The following SUPT6H variants were observed in gnomAD, a reference collection of about 807,000 sequenced individuals.
SUPT6H encodes the protein SPT6 homolog, histone chaperone and transcription elongation factor.
SUPT6H carries 11 observed loss-of-function variants against 222.3 expected under a neutral mutation model. The ratio of observed to expected loss-of-function variants is 0.05; its 90% CI spans 0.03 to 0.08. The LOEUF is 0.08. Among genes scored for constraint, SUPT6H ranks in the 10% least tolerant of loss-of-function variants. The pLI is 1.00. For missense variants in SUPT6H, 1,422 were observed against 2,216.0 expected, an observed-to-expected ratio of 0.64 and a Z score of 7.19; for synonymous variants, 762 against 801.2, an observed-to-expected ratio of 0.95 and a Z score of 0.83.
intron 29 of SUPT6H, 84 bp downstream of exon 29, chr17:28,695,631 T>G: frequency 6.9e-7 from 1 of 1,446,014 alleles, no homozygotes; most frequent in Non-Finnish European, 9.4e-7. Context: ...GATGCACATG[T>G]GTCAGTCTCC....
rs780189556 is a variant in SUPT6H, at chr17:28,699,842, G to A, written c.4510G>A (p.Val1504Met). The change falls in exon 33 of 37, where the codon GTG (valine) becomes ATG (methionine). Residue 1504 changes from valine to methionine, a missense_variant. Physicochemically the swap from Val to Met is conservative, Grantham distance 21. Coordinates refer to ENST00000314616, the MANE Select transcript of SUPT6H (RefSeq NM_003170.5). ...FRYRGQIFPT[V>M]NGLFRWFKDH... ...GTACCGGGGCCAGATCTTCCCAACC[G>A]TGAATGGACTGTTTAGATGGTTTAA... 4 of 1,614,074 alleles carry A rather than the reference G, an allele frequency of 2.5e-6. No homozygotes were observed. Among genetic ancestry groups the A allele is most frequent in the African/African-American group, 2.7e-5 (2 of 74,932 alleles).
At chr17:28,674,726 C>A in intron 4 of SUPT6H, 113 bp downstream of exon 4, 2 of 1,012,708 alleles carry the variant, frequency 2.0e-6, no homozygotes, top group South Asian at 1.4e-5. Context: ...CATTAGAGCA[C>A]GGTGTTCGGT....
chr17:28,696,145 A>G (rs955646155), intron 29 of SUPT6H, among the ~76,000 whole-genome samples: 2 of 152,154 alleles, frequency 1.3e-5, no homozygotes, highest in Admixed American at 6.5e-5. Flanking sequence ...GTCTCTACCA[A>G]ACGTACAAAA....
At chr17:28,683,972 A>G (rs1224948199) in intron 17 of SUPT6H, among the ~76,000 whole-genome samples, 156 bp downstream of exon 17, 2 of 151,820 alleles carry the variant, frequency 1.3e-5, no homozygotes, top group Non-Finnish European at 1.5e-5. Context: ...AGTACCTGGG[A>G]CTACAGGCGC....
At chr17:28,662,606 TC>T (rs2072077696) in intron 1 of SUPT6H, among the ~76,000 whole-genome samples, 3 of 152,056 alleles carry the variant, frequency 2.0e-5, no homozygotes, top group African/African-American at 7.2e-5. Flanking sequence ...ATCCCGTCCT[TC>T]TCTCCGCAGG....
At chr17:28,699,950 A>T (rs1432469661) in intron 33 of SUPT6H, 57 bp downstream of exon 33, 2 of 1,541,930 alleles carry the variant, frequency 1.3e-6, no homozygotes, top group Non-Finnish European at 1.8e-6. Flanking sequence ...CTAGGACCTG[A>T]CTCAGAGTAG....
chr17:28,674,262 T>G (rs1433955385), intron 2 of SUPT6H, 21 bp from the exon 3 acceptor site: 3 of 1,613,710 alleles, frequency 1.9e-6, no homozygotes, highest in Non-Finnish European at 2.5e-6. Flanking sequence ...TCTCCATGCC[T>G]CAAACATGCA....
intron 9 of SUPT6H, 31 bp from the exon 10 acceptor site, chr17:28,678,511 TCTC>T: frequency 2.5e-6 from 4 of 1,599,190 alleles, no homozygotes; most frequent in Non-Finnish European, 3.4e-6. Context: ...AAATCTGTCT[TCTC>T]TGAGTGACTG....
chr17:28,689,586 G>T, intron 25 of SUPT6H, 25 bp downstream of exon 25: 1 of 1,611,514 alleles, frequency 6.2e-7, no homozygotes. Context: ...GGAAGGCCCG[G>T]CAGGAGAACC....
At position 28,701,509 on chromosome 17, in the gene SUPT6H, C is replaced by A; in HGVS notation, c.5065C>A (p.Arg1689=). 1 of 1,614,154 alleles carries A rather than the reference C, an allele frequency of 6.2e-7. No homozygotes were observed. The highest frequency in any genetic ancestry group is 8.5e-7 in the Non-Finnish European group (1 of 1,180,034). The part of the protein sequence containing the change: ...EQWLQEKEAE[R]RKQKQRLTPR... ...GTGGCTGCAGGAAAAGGAGGCAGAA[C>A]GGCGGAAACAGAAGCAGCGGCTGAC... is the stretch of plus-strand genomic sequence containing the variant. Residue 1689 remains arginine, a synonymous_variant, in exon 37 of 37, where the codon CGG becomes AGG. Transcript: ENST00000314616.
chr17:28,682,483 G>A (rs2031165484), intron 13 of SUPT6H, among the ~76,000 whole-genome samples: 1 of 152,038 alleles, frequency 6.6e-6, no homozygotes. Context: ...AGCCAGGAGT[G>A]GTGGGACACA....
At chr17:28,675,969 C>G (rs2030723222) in intron 6 of SUPT6H, among the ~76,000 whole-genome samples, 188 bp from the exon 7 acceptor site, 1 of 152,150 alleles carries the variant, frequency 6.6e-6, no homozygotes, top group Non-Finnish European at 1.5e-5. Context: ...TTTTAATCTT[C>G]CATATACAAT....
At chr17:28,677,035 C>A (rs1259422111) in intron 7 of SUPT6H, among the ~76,000 whole-genome samples, 1 of 152,106 alleles carries the variant, frequency 6.6e-6, no homozygotes, top group African/African-American at 2.4e-5. Context: ...TCGAGACCAG[C>A]CTGGCCAACA....
At position 28,701,670 on chromosome 17, in the gene SUPT6H, G is replaced by T. The variant is rs552136699; in HGVS notation, c.*45G>T. On this transcript the variant is annotated 3_prime_UTR_variant, in exon 37 of 37. Transcript: ENST00000314616. ...CTGGTTACCTCTGAGGCTGGGAAAG[G>T]CCTGGCTGCCCACTGCCTCCCTCCC... 5.2e-6 allele frequency: 8 copies of T among 1,550,860 alleles called. No homozygotes were observed. The highest frequency in any genetic ancestry group is 2.0e-4 in the Middle Eastern group (1 of 5,070).
intron 36 of SUPT6H, 98 bp downstream of exon 36, chr17:28,701,226 T>G (rs1320092195): frequency 2.0e-6 from 3 of 1,485,658 alleles, no homozygotes; most frequent in African/African-American, 2.8e-5. Context: ...CTGGATCCTC[T>G]GAGGGCCCTG....
intron 32 of SUPT6H, among the ~76,000 whole-genome samples, chr17:28,698,418 T>C (rs939894202): frequency 2.0e-5 from 3 of 152,232 alleles, no homozygotes; most frequent in African/African-American, 7.2e-5. Context: ...TGCTGTAATG[T>C]GCTCACTCCG....
rs768979672 is a variant in SUPT6H at position 28,675,114 on chromosome 17, G to A, written c.490G>A (p.Ala164Thr). The change falls in exon 5 of 37, where the codon GCC becomes ACC. Residue 164 changes from alanine to threonine, a missense_variant. Ala to Thr is a moderately conservative substitution (Grantham distance 58). Transcript: ENST00000314616. The stretch of plus-strand genomic sequence containing the variant: ...GGAAGAAGGGCAGGAGGCCATGGAG[G>A]CCCCCATGGCTCCTCCAGAGGAGGA... ...EGEEGQEAME[A>T]PMAPPEEEEE... The A allele has an allele frequency of 6.2e-7, 1 of 1,613,756 alleles. No homozygotes were observed. Among genetic ancestry groups the A allele is most frequent in the Non-Finnish European group, 8.5e-7 (1 of 1,179,886 alleles).
At chr17:28,689,946 A>AT in intron 25 of SUPT6H, 136 bp from the exon 26 acceptor site, 2 of 1,177,852 alleles carry the variant, frequency 1.7e-6, no homozygotes, top group Non-Finnish European at 2.4e-6. Context: ...CCTTTAGTAA[A>AT]TGTTGATGGA....
rs767639352 is a variant in SUPT6H, at chr17:28,687,072, C to A, written c.2701-16C>A. On this transcript the variant is annotated splice_polypyrimidine_tract_variant and intron_variant, in intron 21 of 36. Transcript: ENST00000314616. ...AAGGGGATTTTAAGGCCCTGCTGAC[C>A]CTCGTTTGACTCTAGGCAGAGTTCC... The A allele has an allele frequency of 3.1e-6, 5 of 1,611,174 alleles. No individual in the cohort carries two copies. Among genetic ancestry groups the A allele is most frequent in the Admixed American group, 3.3e-5 (2 of 59,930 alleles).
Sources: allele counts gnomAD v4.1 joint callset (sites outside exome capture counted in the v4.1 genomes callset), GRCh38; gene constraint gnomAD v4.1.1; transcripts MANE v1.5; gene names NCBI Gene and HGNC (gene_info 2026-07-23, HGNC 2026-07-21).